The following OR2C1 variants were observed in gnomAD, a reference collection of about 807,000 sequenced individuals.
OR2C1 encodes olfactory receptor 2C1.
For missense variants in OR2C1, 468 were observed against 388.3 expected, an observed-to-expected ratio of 1.21 and a Z score of -1.73; for synonymous variants, 209 against 167.3, an observed-to-expected ratio of 1.25 and a Z score of -1.92.
chr16:3,324,140 T>C, the OR2C1 span, among the ~76,000 whole-genome samples: 1 of 152,198 alleles, frequency 6.6e-6, no homozygotes, highest in Non-Finnish European at 1.5e-5. Context: ...CTAAAATATT[T>C]AGTAGCATAG....
upstream of OR2C1, among the ~76,000 whole-genome samples, chr16:3,350,946 C>A (rs562955668): frequency 7.1e-6 from 1 of 141,356 alleles, no homozygotes; most frequent in South Asian, 2.4e-4. Flanking sequence ...GAGGCTGAGG[C>A]GGGAGGATTG....
rs1489560843 is a variant in OR2C1 at position 3,356,588 on chromosome 16, C to A, written c.648C>A (p.Ile216=). ...FTAVPLSIIV[I]SYCLIAQAVL... is the part of the protein sequence containing the mutation. The stretch of plus-strand genomic sequence containing the variant: ...CAGTCCCACTAAGCATCATCGTGAT[C>A]TCCTACTGCCTCATTGCTCAGGCAG... Residue 216 remains isoleucine (I), a synonymous_variant, in exon 1 of 1, where the codon ATC becomes ATA. Coordinates refer to ENST00000304936, the MANE Select transcript of OR2C1 (RefSeq NM_012368.3). 1.2e-6 allele frequency: 2 copies of A among 1,614,068 alleles called. No individual in the cohort carries two copies. The highest frequency in any genetic ancestry group is 1.7e-6 in the Non-Finnish European group (2 of 1,180,054).
the OR2C1 span, among the ~76,000 whole-genome samples, chr16:3,334,284 C>T: frequency 7.3e-5 from 11 of 150,890 alleles, no homozygotes; most frequent in East Asian, 1.8e-3. Context: ...ACGACAGGCA[C>T]GTACCACCAT....
chr16:3,335,557 C>T, the OR2C1 span, among the ~76,000 whole-genome samples: 6 of 117,720 alleles, frequency 5.1e-5, no homozygotes, highest in Admixed American at 1.1e-4. Flanking sequence ...GATTGAGTCT[C>T]GCTCTATTGC....
chr16:3,353,989 T>TTC (rs1555468350), upstream of OR2C1, among the ~76,000 whole-genome samples: 61 of 130,874 alleles, frequency 4.7e-4, no homozygotes, highest in Non-Finnish European at 5.2e-4. Flanking sequence ...TTTTCTTTTT[T>TTC]TTTTTTTTTT....
chr16:3,349,435 G>A, the OR2C1 span, among the ~76,000 whole-genome samples: 1 of 152,110 alleles, frequency 6.6e-6, no homozygotes, highest in African/African-American at 2.4e-5. Flanking sequence ...GCTACTCCAG[G>A]GCCAGAAGAG....
the OR2C1 span, chr16:3,323,129 C>T: frequency 1.9e-6 from 1 of 525,816 alleles, no homozygotes. Flanking sequence ...CTCAAAAAAA[C>T]AAAAACACAT....
chr16:3,346,820 C>T, the OR2C1 span, among the ~76,000 whole-genome samples: 1 of 151,266 alleles, frequency 6.6e-6, no homozygotes, highest in Non-Finnish European at 1.5e-5. Context: ...TAAGTAGAGA[C>T]AAGGTTTCAT....
the OR2C1 span, among the ~76,000 whole-genome samples, chr16:3,332,982 T>C: frequency 1.3e-5 from 2 of 152,072 alleles, no homozygotes; most frequent in South Asian, 2.1e-4. Context: ...TGTACTAATT[T>C]ACATTCCCAA....
At chr16:3,346,865 C>T in the OR2C1 span, among the ~76,000 whole-genome samples, 2 of 151,230 alleles carry the variant, frequency 1.3e-5, no homozygotes, top group African/African-American at 4.8e-5. Context: ...CTCTTGGCCT[C>T]AAGTGATCTG....
chr16:3,356,515 C>G lies in OR2C1; in HGVS notation c.575C>G (p.Thr192Arg), dbSNP rs1426136027. ...PAMIKLACGD[T>R]SLNQAVLNGV... ...ATGATCAAACTGGCCTGTGGCGACA[C>G]AAGTCTCAACCAGGCTGTGCTCAAT... The change falls in exon 1 of 1, where the codon ACA becomes AGA. Residue 192 changes from threonine to arginine, a missense_variant. By Grantham distance (71) the Thr-to-Arg change is moderately conservative. Coordinates refer to ENST00000304936, the MANE Select transcript of OR2C1 (RefSeq NM_012368.3). 6.2e-7 allele frequency: 1 copy of G among 1,614,134 alleles called. No individual in the cohort carries two copies. Among genetic ancestry groups the G allele is most frequent in the Non-Finnish European group, 8.5e-7 (1 of 1,180,044 alleles).
the OR2C1 span, among the ~76,000 whole-genome samples, chr16:3,332,117 C>T: frequency 1.3e-5 from 2 of 148,744 alleles, no homozygotes; most frequent in Non-Finnish European, 3.0e-5. Flanking sequence ...GGGAGATATA[C>T]CTAATGCTAG....
chr16:3,347,948 C>T, the OR2C1 span, among the ~76,000 whole-genome samples: 1 of 152,126 alleles, frequency 6.6e-6, no homozygotes, highest in Admixed American at 6.5e-5. Flanking sequence ...GTTATATATT[C>T]ATCCCTAATT....
chr16:3,347,679 A>G, the OR2C1 span, among the ~76,000 whole-genome samples: 3 of 152,106 alleles, frequency 2.0e-5, no homozygotes, highest in Admixed American at 1.3e-4. Flanking sequence ...ACTGGCTTTT[A>G]TCACTTAGCA....
At chr16:3,344,208 T>A in the OR2C1 span, among the ~76,000 whole-genome samples, 23 of 149,724 alleles carry the variant, frequency 1.5e-4, no homozygotes, top group Non-Finnish European at 3.0e-4. Context: ...GTGACAAGAG[T>A]GAGACTCCAT....
chr16:3,329,414 G>A, the OR2C1 span, among the ~76,000 whole-genome samples: 1 of 151,732 alleles, frequency 6.6e-6, no homozygotes, highest in African/African-American at 2.4e-5. Flanking sequence ...CCAAAAAGGG[G>A]GAAAAACATG....
the OR2C1 span, among the ~76,000 whole-genome samples, chr16:3,343,374 A>G: frequency 5.2e-3 from 793 of 152,310 alleles, 10 homozygotes; most frequent in African/African-American, 0.018. Context: ...GATTACAGGC[A>G]TGAGCCACCG....
chr16:3,323,350 A>C, the OR2C1 span: 2 of 1,101,866 alleles, frequency 1.8e-6, no homozygotes, highest in African/African-American at 1.5e-5. Context: ...ACTGGGAGGC[A>C]ATTTCATGAA....
upstream of OR2C1, chr16:3,355,777 G>T (rs1438432140): frequency 3.3e-6 from 2 of 608,358 alleles, no homozygotes; most frequent in African/African-American, 1.9e-5. Flanking sequence ...GAGAGACTCT[G>T]TCTCAAAAAA....
Sources: gnomAD v4.1 joint callset for allele counts (sites outside exome capture counted in the v4.1 genomes callset) on GRCh38, gnomAD v4.1.1 for gene constraint, MANE v1.5 for transcripts, NCBI Gene and HGNC (gene_info 2026-07-23, HGNC 2026-07-21) for gene names.